Variants in WDR7 observed in about 807,000 individuals in gnomAD.
WDR7 encodes WD repeat-containing protein 7.
Under a neutral mutation model 169.4 loss-of-function variants are expected in WDR7, and 46 were observed. The observed-to-expected ratio is 0.27, with a 90% CI of 0.21 to 0.35. The LOEUF (loss-of-function observed/expected upper bound fraction) is 0.35, where lower values mean the gene tolerates loss of function less well. Ranked by LOEUF, WDR7 falls within the 10% of genes least tolerant of loss-of-function variation. The pLI is 1.00. For synonymous variants in WDR7, 612 were observed against 666.8 expected (o/e 0.92, Z 1.27); for missense variants, 1,534 against 1,859.3 (o/e 0.83, Z 3.22).
At chr18:57,020,641 TA>T in intron 26 of WDR7, 103 bp from the exon 27 acceptor site, 1 of 1,007,552 alleles carries the variant, frequency 9.9e-7, no homozygotes, top group Non-Finnish European at 1.5e-6. Context: ...TAACAGCATC[TA>T]ATACCCATGA....
chr18:56,758,789 A>G (rs1257235905), intron 15 of WDR7, 76 bp from the exon 16 acceptor site: 1 of 1,133,696 alleles, frequency 8.8e-7, no homozygotes, highest in Non-Finnish European at 1.2e-6. Context: ...TAGAAGTAGA[A>G]AATTTTTTAT....
chr18:56,774,513 A>C (rs1431733826), intron 16 of WDR7, among the ~76,000 whole-genome samples: 1 of 152,136 alleles, frequency 6.6e-6, no homozygotes, highest in Non-Finnish European at 1.5e-5. Context: ...TTGATAGGTG[A>C]CATAGCAGCT....
intron 26 of WDR7, among the ~76,000 whole-genome samples, chr18:56,971,426 TGC>T (rs1425249471): frequency 6.6e-6 from 1 of 152,188 alleles, no homozygotes; most frequent in Non-Finnish European, 1.5e-5. Flanking sequence ...GGCTCTTATG[TGC>T]GCCAGACACT....
At chr18:56,694,794 T>G (rs2025661315) in intron 10 of WDR7, 34 bp downstream of exon 10, 2 of 1,575,212 alleles carry the variant, frequency 1.3e-6, no homozygotes, top group East Asian at 2.3e-5. Context: ...ATTTCTTAAT[T>G]AATTTAATAT....
In WDR7 at chr18:56,905,641, ATC is replaced by A. The variant is rs1390752124; in HGVS notation, c.3527-18280_3527-18279del. Among the ~76,000 whole-genome samples, 6 of 138,718 alleles carry A rather than the reference ATC, an allele frequency of 4.3e-5. No homozygotes were observed. The East Asian group carries it at 6.6e-4, about 15-fold the overall frequency. 91.0% of individuals were successfully genotyped at this position (138,718 alleles called of 152,430 possible). A position where few individuals can be genotyped will look rare whatever the true frequency, so the allele number is the denominator to read the frequency against. On this transcript the variant is annotated intron_variant, in intron 21 of 27. Transcript: ENST00000254442. The stretch of plus-strand genomic sequence containing the variant: ...TATGAAACTATATATATATATATAT[ATC>A]ATATGAAATTATACAGGTGCTAAAA...
intron 21 of WDR7, among the ~76,000 whole-genome samples, chr18:56,894,899 CA>C (rs1259333583): frequency 6.6e-6 from 1 of 151,202 alleles, no homozygotes; most frequent in African/African-American, 2.4e-5. Flanking sequence ...TACAAGTAGT[CA>C]AAGGAAAAAA....
intron 20 of WDR7, among the ~76,000 whole-genome samples, chr18:56,828,205 T>A (rs908154428): frequency 2.6e-5 from 4 of 152,236 alleles, no homozygotes; most frequent in East Asian, 1.9e-4. Flanking sequence ...TTTCACAAAT[T>A]TATAAAAGTT....
At chr18:56,926,106 C>G (rs111655729) in intron 22 of WDR7, among the ~76,000 whole-genome samples, 4 of 152,160 alleles carry the variant, frequency 2.6e-5, no homozygotes, top group African/African-American at 9.7e-5. Context: ...CTAGAATGAG[C>G]AGTTTAGCAT....
intron 12 of WDR7, among the ~76,000 whole-genome samples, chr18:56,698,888 G>A (rs2025763986): frequency 6.6e-6 from 1 of 152,052 alleles, no homozygotes. Flanking sequence ...TCTTGGGTGG[G>A]AGGACGGAGA....
At chr18:56,720,089 G>A (rs1455933879) in intron 13 of WDR7, among the ~76,000 whole-genome samples, 1 of 152,026 alleles carries the variant, frequency 6.6e-6, no homozygotes, top group African/African-American at 2.4e-5. Flanking sequence ...AATTTTTTGG[G>A]AATTAGTATT....
At chr18:56,726,644 T>A (rs748138748) in intron 13 of WDR7, among the ~76,000 whole-genome samples, 4 of 152,106 alleles carry the variant, frequency 2.6e-5, no homozygotes, top group Non-Finnish European at 5.9e-5. Context: ...TACCCTTTAT[T>A]TCTTTCTCCT....
chr18:56,992,532 C>T (rs2047832558), intron 26 of WDR7, among the ~76,000 whole-genome samples: 1 of 152,088 alleles, frequency 6.6e-6, no homozygotes, highest in Non-Finnish European at 1.5e-5. Context: ...TAGAAATTAA[C>T]ATATTTTTAA....
chr18:56,978,717 ACATAT>A (rs1400231025), intron 26 of WDR7, among the ~76,000 whole-genome samples: 1 of 152,182 alleles, frequency 6.6e-6, no homozygotes, highest in Non-Finnish European at 1.5e-5. Flanking sequence ...AAACCAGGTG[ACATAT>A]CAGAATCATG....
chr18:56,775,238 A>G (rs2044223011), intron 16 of WDR7, among the ~76,000 whole-genome samples: 1 of 152,046 alleles, frequency 6.6e-6, no homozygotes, highest in Non-Finnish European at 1.5e-5. Context: ...AGGGATAACA[A>G]TTTCTCCCCA....
Position 56,721,795 on chromosome 18 carries a change from C to T in WDR7, c.1774+3636C>T, listed in dbSNP as rs368511346. ...TTCTTCTTATCTAGCCATTACCAAG[C>T]CTAAACCACATTCTCATCTGGCTTC... On this transcript the variant is annotated intron_variant, in intron 13 of 27. Coordinates refer to ENST00000254442, the MANE Select transcript of WDR7 (RefSeq NM_015285.3). 13 of 152,342 alleles carry T rather than the reference C, an allele frequency of 8.5e-5. No homozygotes were observed. The East Asian group carries it at 2.3e-3, about 27-fold the overall frequency. 9.4% of individuals were successfully genotyped at this position (152,342 alleles called of 1,614,324 possible).
At chr18:56,733,690 C>T (rs534697388) in intron 14 of WDR7, among the ~76,000 whole-genome samples, 8 of 152,174 alleles carry the variant, frequency 5.3e-5, no homozygotes, top group Middle Eastern at 6.8e-3. Flanking sequence ...ATTTTTTTCT[C>T]ACAGTAGAAG....
chr18:56,864,628 C>T (rs988689334), intron 20 of WDR7, among the ~76,000 whole-genome samples: 1 of 151,548 alleles, frequency 6.6e-6, no homozygotes, highest in African/African-American at 2.4e-5. Flanking sequence ...TTTAACCTCT[C>T]GGGTAATAGA....
chr18:56,722,884 T>A (rs2026354155), intron 13 of WDR7, among the ~76,000 whole-genome samples: 2 of 152,176 alleles, frequency 1.3e-5, no homozygotes, highest in South Asian at 4.1e-4. Context: ...CTTTATTGGG[T>A]ACCCTGCCTA....
rs2045402854 is a variant in WDR7, at chr18:56,836,749, C to T, written c.3304+20605C>T. On this transcript the variant is annotated intron_variant, in intron 20 of 27. Coordinates refer to ENST00000254442, the MANE Select transcript of WDR7 (RefSeq NM_015285.3). ...AATGATTTTCATTATTTGAAAGAAG[C>T]CTTTCAACTAAAACTTCTAAAAAGA... Among the ~76,000 whole-genome samples, 6 of 152,200 alleles carry T rather than the reference C, an allele frequency of 3.9e-5. 1 individual carries two copies. The highest frequency in any genetic ancestry group is 1.4e-4 in the African/African-American group (6 of 41,528).
Sources: allele counts gnomAD v4.1 joint callset (sites outside exome capture counted in the v4.1 genomes callset), GRCh38; gene constraint gnomAD v4.1.1; transcripts MANE v1.5; gene names NCBI Gene and HGNC (gene_info 2026-07-23, HGNC 2026-07-21).